MUSK: variants seen among roughly 807,000 people sequenced by gnomAD.
MUSK encodes muscle, skeletal receptor tyrosine-protein kinase.
Under a neutral mutation model 88.7 loss-of-function variants are expected in MUSK, and 55 were observed. The ratio of observed to expected loss-of-function variants is 0.62; its 90% CI spans 0.50 to 0.78. The LOEUF is 0.78. Ranked by LOEUF, MUSK falls within the 30% of genes least tolerant of loss-of-function variation. MUSK has a pLI of 0.00. For synonymous variants in MUSK, 387 were observed against 391.9 expected, an observed-to-expected ratio of 0.99 and a Z score of 0.15; for missense variants, 1,015 against 1,074.3, an observed-to-expected ratio of 0.94 and a Z score of 0.77.
chr9:110,700,074 G>A (rs921751123), intron 5 of MUSK, among the ~76,000 whole-genome samples: 6 of 152,136 alleles, frequency 3.9e-5, no homozygotes, highest in Non-Finnish European at 7.4e-5. Context: ...CCTATACTTT[G>A]GTCTTGCCTT....
chr9:110,721,818 A>G (rs72756505), intron 5 of MUSK, among the ~76,000 whole-genome samples: 4,919 of 152,266 alleles, frequency 0.032, 121 homozygotes, highest in East Asian at 0.089. Flanking sequence ...ATCTGGATGC[A>G]TTACCTTACC....
intron 8 of MUSK, among the ~76,000 whole-genome samples, chr9:110,765,147 A>G (rs893368193): frequency 6.6e-6 from 1 of 152,228 alleles, no homozygotes; most frequent in African/African-American, 2.4e-5. Flanking sequence ...ATTTTTAAAA[A>G]TACTCATGGA....
rs1316350400 is a variant in MUSK at position 110,805,689 on chromosome 9, T to C, written c.*4701T>C. Among the ~76,000 whole-genome samples, 1 of 152,020 alleles carries C rather than the reference T, an allele frequency of 6.6e-6. No individual in the cohort carries two copies. The highest frequency in any genetic ancestry group is 1.5e-5 in the Non-Finnish European group (1 of 67,870). On this transcript the variant is annotated 3_prime_UTR_variant, in exon 15 of 15. Coordinates refer to ENST00000374448, the MANE Select transcript of MUSK (RefSeq NM_005592.4). ...CGTCCATTCAGATGATTGTGGCTTT[T>C]TTCCCTAATGGATTTGTTAATATGT...
chr9:110,749,923 G>A (rs1214912878), intron 7 of MUSK, among the ~76,000 whole-genome samples: 1 of 152,006 alleles, frequency 6.6e-6, no homozygotes, highest in Non-Finnish European at 1.5e-5. Flanking sequence ...CAAAAATGTT[G>A]ATGCCTTTGA....
At chr9:110,683,955 C>T (rs1392929547) in intron 2 of MUSK, among the ~76,000 whole-genome samples, 3 of 151,938 alleles carry the variant, frequency 2.0e-5, no homozygotes, top group Non-Finnish European at 4.4e-5. Context: ...TTTATTGTAT[C>T]CTTTGCTGTG....
At chr9:110,704,956 G>A (rs984664390) in intron 5 of MUSK, among the ~76,000 whole-genome samples, 1 of 146,944 alleles carries the variant, frequency 6.8e-6, no homozygotes, top group African/African-American at 2.5e-5. Context: ...CTGCACTCCA[G>A]CCCAGGCAAC....
Position 110,785,028 on chromosome 9 carries a change from G to C in MUSK, c.1586+12G>C. 1 of 1,611,020 alleles carries C rather than the reference G, an allele frequency of 6.2e-7. No individual in the cohort carries two copies. The highest frequency in any genetic ancestry group is 8.5e-7 in the Non-Finnish European group (1 of 1,177,804). On this transcript the variant is annotated intron_variant, in intron 12 of 14. Coordinates refer to ENST00000374448, the MANE Select transcript of MUSK (RefSeq NM_005592.4). ...AAAAATAAGAAAAGGTGAGATTCTA[G>C]TTTCAGCTAACCATGTGTAGTAATA...
chr9:110,719,317 A>G (rs2076782007), intron 5 of MUSK, among the ~76,000 whole-genome samples: 1 of 152,102 alleles, frequency 6.6e-6, no homozygotes, highest in Non-Finnish European at 1.5e-5. Flanking sequence ...AATTTCACCA[A>G]CCAAGTTTCT....
At chr9:110,778,467 T>C (rs1047355491) in intron 11 of MUSK, among the ~76,000 whole-genome samples, 5 of 152,126 alleles carry the variant, frequency 3.3e-5, no homozygotes, top group African/African-American at 1.2e-4. Flanking sequence ...CTTCCATCTT[T>C]GCTCTTTCTA....
intron 5 of MUSK, among the ~76,000 whole-genome samples, chr9:110,721,248 G>C (rs1051138736): frequency 6.6e-6 from 1 of 152,046 alleles, no homozygotes; most frequent in Non-Finnish European, 1.5e-5. Flanking sequence ...AGAGCAATCA[G>C]ACAAGAGAAA....
intron 9 of MUSK, among the ~76,000 whole-genome samples, chr9:110,770,299 T>C (rs1279874971): frequency 7.0e-6 from 1 of 143,830 alleles, no homozygotes; most frequent in Non-Finnish European, 1.5e-5. Flanking sequence ...AATACAATTA[T>C]ATATTAACTT....
At chr9:110,720,567 C>T (rs2076797965) in intron 5 of MUSK, among the ~76,000 whole-genome samples, 1 of 151,884 alleles carries the variant, frequency 6.6e-6, no homozygotes, top group African/African-American at 2.4e-5. Context: ...CTGAGCAGAC[C>T]AATAACAAGC....
intron 6 of MUSK, among the ~76,000 whole-genome samples, chr9:110,736,628 G>A (rs2077033193): frequency 6.6e-6 from 1 of 151,980 alleles, no homozygotes; most frequent in Admixed American, 6.6e-5. Flanking sequence ...TGCCACTGTA[G>A]GTCTGTTTCT....
At chr9:110,717,915 G>A (rs1367852084) in intron 5 of MUSK, among the ~76,000 whole-genome samples, 1 of 152,054 alleles carries the variant, frequency 6.6e-6, no homozygotes, top group African/African-American at 2.4e-5. Context: ...CTGTTTCTCT[G>A]TAACGAATTA....
At chr9:110,702,289 G>A (rs530442333) in intron 5 of MUSK, among the ~76,000 whole-genome samples, 1 of 152,080 alleles carries the variant, frequency 6.6e-6, no homozygotes, top group African/African-American at 2.4e-5. Flanking sequence ...AATGGGACAG[G>A]TGCTCATCTC....
intron 7 of MUSK, among the ~76,000 whole-genome samples, chr9:110,755,933 CATATAT>C (rs1344701963): frequency 4.7e-4 from 38 of 81,520 alleles, no homozygotes; most frequent in East Asian, 1.6e-3. Flanking sequence ...TATATATATA[CATATAT>C]ATATATATAT....
At chr9:110,689,193 T>TTTATATAAATATATA (rs1564216520) in intron 3 of MUSK, among the ~76,000 whole-genome samples, 4,944 of 22,652 alleles carry the variant, frequency 0.22, 134 homozygotes, top group African/African-American at 0.36. Context: ...AAATATATCA[T>TTTATATAAATATATA]ATATATATTC....
At chr9:110,730,455 C>T (rs761205722) in intron 5 of MUSK, among the ~76,000 whole-genome samples, 13 of 151,966 alleles carry the variant, frequency 8.6e-5, no homozygotes, top group East Asian at 5.8e-4. Context: ...TTCTTTTATG[C>T]AGATAAAACA....
At chr9:110,672,147 A>T (rs896504618) in intron 1 of MUSK, among the ~76,000 whole-genome samples, 1 of 152,202 alleles carries the variant, frequency 6.6e-6, no homozygotes, top group South Asian at 2.1e-4. Flanking sequence ...GTTGCTTCAA[A>T]TATTATTGAC....
Sources: allele counts gnomAD v4.1 joint callset (sites outside exome capture counted in the v4.1 genomes callset), GRCh38; gene constraint gnomAD v4.1.1; transcripts MANE v1.5; gene names NCBI Gene and HGNC (gene_info 2026-07-23, HGNC 2026-07-21).